Variants in PCDH15 observed in about 807,000 individuals in gnomAD.
PCDH15 encodes protocadherin-15.
PCDH15 carries 129 observed loss-of-function variants against 178.5 expected under a neutral mutation model. The observed-to-expected ratio is 0.72, with a 90% confidence interval of 0.63 to 0.84. PCDH15 has a LOEUF of 0.84. PCDH15 is among the 40% of genes least tolerant of loss of function. PCDH15 has a pLI of 0.00. For synonymous variants in PCDH15, 800 were observed against 732.0 expected, an observed-to-expected ratio of 1.09 and a Z score of -1.50; for missense variants, 2,230 against 2,099.9, an observed-to-expected ratio of 1.06 and a Z score of -1.21.
chr10:55,288,872 T>G (rs879499370), intron 1 of PCDH15, among the ~76,000 whole-genome samples: 34 of 149,034 alleles, frequency 2.3e-4, no homozygotes, highest in Admixed American at 1.4e-3. Context: ...TTCTATTAGA[T>G]ATATATATAT....
At chr10:55,538,565 C>T (rs1841656558) in intron 2 of PCDH15, among the ~76,000 whole-genome samples, 1 of 121,216 alleles carries the variant, frequency 8.2e-6, no homozygotes, top group Non-Finnish European at 1.7e-5. Flanking sequence ...TCCTTTCCTT[C>T]CTTCCTTCCT....
intron 1 of PCDH15, among the ~76,000 whole-genome samples, chr10:55,272,281 CA>C (rs1375555883): frequency 6.6e-6 from 1 of 151,670 alleles, no homozygotes; most frequent in African/African-American, 2.4e-5. Flanking sequence ...GTTGAAATGA[CA>C]TATTAAATTC....
intron 18 of PCDH15, among the ~76,000 whole-genome samples, chr10:54,049,931 G>T (rs916801038): frequency 3.3e-5 from 5 of 152,080 alleles, no homozygotes; most frequent in Non-Finnish European, 7.4e-5. Flanking sequence ...GTCATTTTGA[G>T]ATACTTTTTA....
chr10:54,467,441 G>A (rs994449754), intron 3 of PCDH15, among the ~76,000 whole-genome samples: 2 of 151,696 alleles, frequency 1.3e-5, no homozygotes, highest in Admixed American at 6.6e-5. Flanking sequence ...TTTATGTGAT[G>A]TATCACATTT....
Position 55,405,461 on chromosome 10 carries a change from A to T in PCDH15, c.-156+222164T>A, listed in dbSNP as rs118106473. On this transcript the variant is annotated intron_variant, in intron 2 of 5. Transcript: ENST00000613346. ...TCAGCCTTTGCCTTTTCTAACTTAA[A>T]TCATTTATCTATTTACTTCAAATTT... Among the ~76,000 whole-genome samples, 146 of 151,422 alleles carry T rather than the reference A, an allele frequency of 9.6e-4. 1 individual carries two copies. In the East Asian group the frequency reaches 0.016, roughly 16 times the overall value.
intron 1 of PCDH15, among the ~76,000 whole-genome samples, chr10:54,671,291 A>G (rs2094664865): frequency 6.6e-6 from 1 of 152,202 alleles, no homozygotes; most frequent in South Asian, 2.1e-4. Context: ...TTTGATGAAT[A>G]TTATAGATTC....
At chr10:55,207,121 G>A (rs182547183) in intron 1 of PCDH15, among the ~76,000 whole-genome samples, 1 of 152,170 alleles carries the variant, frequency 6.6e-6, no homozygotes, top group Non-Finnish European at 1.5e-5. Flanking sequence ...GCCATCAGAA[G>A]TCGGGAGTAA....
Position 53,925,819 on chromosome 10 carries a change from TTTTC to T in PCDH15, c.3373+12992_3373+12995del, listed in dbSNP as rs1240728027. Among the ~76,000 whole-genome samples, 5 of 152,304 alleles carry T rather than the reference TTTTC, an allele frequency of 3.3e-5. No individual in the cohort carries two copies. The East Asian group carries it at 9.7e-4, about 29-fold the overall frequency. ...TGCTTATGGGAGGTCAAGAGATACT[TTTTC>T]CTTTGATGCTTTCTTTGCCTGGTTT... On this transcript the variant is annotated intron_variant, in intron 25 of 37. Coordinates refer to ENST00000644397, the MANE Select transcript of PCDH15 (RefSeq NM_001384140.1).
chr10:54,038,945 T>C (rs2093479254), intron 18 of PCDH15, among the ~76,000 whole-genome samples: 1 of 152,028 alleles, frequency 6.6e-6, no homozygotes, highest in East Asian at 1.9e-4. Flanking sequence ...TTTGATTTTT[T>C]TGATCCAAAC....
At chr10:54,312,274 G>C (rs891934409) in intron 8 of PCDH15, among the ~76,000 whole-genome samples, 8 of 152,038 alleles carry the variant, frequency 5.3e-5, no homozygotes, top group African/African-American at 1.9e-4. Context: ...ACTAACTCCA[G>C]TTTTTATACC....
chr10:54,489,496 T>A (rs2079388535), intron 3 of PCDH15, among the ~76,000 whole-genome samples: 1 of 152,116 alleles, frequency 6.6e-6, no homozygotes, highest in Admixed American at 6.6e-5. Flanking sequence ...TGATGAGAGC[T>A]ACAAGAGGAG....
Position 54,480,228 on chromosome 10 carries a change from T to A in PCDH15, c.157+47584A>T, listed in dbSNP as rs368953727. On this transcript the variant is annotated intron_variant, in intron 3 of 37. Transcript: ENST00000644397. Reference sequence around the variant, plus strand: ...AATAATTACATAATTAAATACTTATTTGTGTAATGAGCTGCTTTTAGAATC... The same window carrying A: ...AATAATTACATAATTAAATACTTATATGTGTAATGAGCTGCTTTTAGAATC... Among the ~76,000 whole-genome samples the A allele has an allele frequency of 2.4e-4, 36 of 152,182 alleles. No individual in the cohort carries two copies. In the East Asian group the frequency reaches 3.3e-3, roughly 14 times the overall value.
chr10:54,993,224 A>T (rs1041630350), intron 2 of PCDH15, among the ~76,000 whole-genome samples: 2 of 152,214 alleles, frequency 1.3e-5, no homozygotes, highest in African/African-American at 4.8e-5. Context: ...GGCTAAACAA[A>T]CAATTAAAGA....
At chr10:55,008,292 A>T (rs764184104) in intron 2 of PCDH15, among the ~76,000 whole-genome samples, 15 of 152,052 alleles carry the variant, frequency 9.9e-5, no homozygotes, top group Non-Finnish European at 1.9e-4. Context: ...TTTATGTTTA[A>T]CTCTATGGGC....
At chr10:55,117,664 A>T (rs1203027084) in intron 2 of PCDH15, among the ~76,000 whole-genome samples, 1 of 152,190 alleles carries the variant, frequency 6.6e-6, no homozygotes, top group Non-Finnish European at 1.5e-5. Flanking sequence ...TGACACCAGA[A>T]AAGACATCCA....
intron 2 of PCDH15, among the ~76,000 whole-genome samples, chr10:55,019,235 T>A (rs1002329394): frequency 5.3e-5 from 8 of 152,178 alleles, no homozygotes; most frequent in African/African-American, 1.9e-4. Context: ...AAGAAGTTAA[T>A]ATAATAAACT....
chr10:53,881,577 T>G (rs549702458), intron 26 of PCDH15, among the ~76,000 whole-genome samples: 16 of 152,310 alleles, frequency 1.1e-4, no homozygotes, highest in Admixed American at 3.9e-4. Flanking sequence ...ATAAAATTTA[T>G]CTTTTGAAGT....
chr10:55,321,802 A>G (rs527902195), upstream of PCDH15, among the ~76,000 whole-genome samples: 1 of 152,344 alleles, frequency 6.6e-6, no homozygotes, highest in South Asian at 2.1e-4. Context: ...AGACAAGTAA[A>G]TGCTAAAGAA....
At chr10:54,594,636 C>T (rs2092102642) in intron 2 of PCDH15, among the ~76,000 whole-genome samples, 1 of 152,220 alleles carries the variant, frequency 6.6e-6, no homozygotes, top group Admixed American at 6.5e-5. Context: ...CAGGCACTCG[C>T]TGCCAGCGAT....
Sources: gnomAD v4.1 joint callset for allele counts (sites outside exome capture counted in the v4.1 genomes callset) on GRCh38, gnomAD v4.1.1 for gene constraint, MANE v1.5 for transcripts, NCBI Gene and HGNC (gene_info 2026-07-23, HGNC 2026-07-21) for gene names.